The following LYRM4 variants were observed in gnomAD, a reference collection of about 807,000 sequenced individuals.
The protein encoded by LYRM4 is LYR motif containing 4.
Under a neutral mutation model 11.7 loss-of-function variants are expected in LYRM4, and 9 were observed. That is an observed-to-expected ratio of 0.77 (90% CI 0.46 to 1.34). The LOEUF is 1.34. Ranked by LOEUF, LYRM4 falls within the 40% of genes most tolerant of loss-of-function variation. The pLI, the probability that LYRM4 is intolerant of heterozygous loss-of-function variation, is 0.00. For missense variants in LYRM4, 133 were observed against 112.5 expected, an observed-to-expected ratio of 1.18 and a Z score of -0.82; for synonymous variants, 42 against 40.4, an observed-to-expected ratio of 1.04 and a Z score of -0.15.
At chr6:5,223,882 C>T (rs1287133594) in intron 1 of LYRM4, among the ~76,000 whole-genome samples, 2 of 152,172 alleles carry the variant, frequency 1.3e-5, no homozygotes, top group Non-Finnish European at 2.9e-5. Flanking sequence ...ACACACTTCC[C>T]TGTTTAAAAA....
chr6:5,065,210 C>T, the LYRM4 span, among the ~76,000 whole-genome samples: 6 of 152,242 alleles, frequency 3.9e-5, no homozygotes, highest in Admixed American at 3.9e-4. Context: ...TTTCTTTTTA[C>T]TGCTGAATAA....
At position 5,245,136 on chromosome 6, in the gene LYRM4, AT is replaced by A. The variant is rs1561899119; in HGVS notation, c.86+15511del. Among the ~76,000 whole-genome samples the A allele has an allele frequency of 4.9e-4, 44 of 89,600 alleles. 1 individual carries two copies. The highest frequency in any genetic ancestry group is 7.2e-4 in the Non-Finnish European group (32 of 44,580). 58.8% of individuals were successfully genotyped at this position (89,600 alleles called of 152,430 possible). ...AAAATATATATATATATATATATAT[AT>A]ATATATATATATATATATATATATA... On this transcript the variant is annotated intron_variant, in intron 1 of 2. Coordinates refer to ENST00000330636, the MANE Select transcript of LYRM4 (RefSeq NM_020408.6).
At chr6:5,070,158 G>C in the LYRM4 span, among the ~76,000 whole-genome samples, 1 of 152,208 alleles carries the variant, frequency 6.6e-6, no homozygotes, top group Non-Finnish European at 1.5e-5. Flanking sequence ...GTGGCATTGA[G>C]GTTTAATCCC....
At chr6:5,161,751 A>G (rs972982922) in intron 2 of LYRM4, among the ~76,000 whole-genome samples, 5 of 152,188 alleles carry the variant, frequency 3.3e-5, no homozygotes, top group African/African-American at 7.2e-5. Context: ...GTATTGACAT[A>G]CTTGCGTTAC....
At chr6:5,125,966 T>C (rs935528207) in intron 2 of LYRM4, among the ~76,000 whole-genome samples, 1 of 152,172 alleles carries the variant, frequency 6.6e-6, no homozygotes. Flanking sequence ...ACACTGCCCA[T>C]TGGTGGGACA....
the LYRM4 span, chr6:5,086,642 G>A: frequency 8.2e-7 from 1 of 1,214,894 alleles, no homozygotes. Flanking sequence ...GAACTTGCTG[G>A]GACGCTTTGC....
At chr6:5,214,563 G>A (rs1383734927) in intron 2 of LYRM4, among the ~76,000 whole-genome samples, 2 of 152,168 alleles carry the variant, frequency 1.3e-5, no homozygotes, top group Non-Finnish European at 2.9e-5. Context: ...CAGACCATGT[G>A]TGGGGTGGAG....
intron 2 of LYRM4, among the ~76,000 whole-genome samples, chr6:5,141,666 C>G (rs964761248): frequency 2.0e-5 from 3 of 152,162 alleles, no homozygotes; most frequent in African/African-American, 7.2e-5. Flanking sequence ...AAGAGCATGA[C>G]CAGCATCTCA....
the LYRM4 span, among the ~76,000 whole-genome samples, chr6:5,046,296 G>A: frequency 6.6e-6 from 1 of 151,974 alleles, no homozygotes; most frequent in South Asian, 2.1e-4. Context: ...ACAGGTGCCC[G>A]CCACCACACC....
chr6:5,042,180 T>C, the LYRM4 span, among the ~76,000 whole-genome samples: 1 of 152,214 alleles, frequency 6.6e-6, no homozygotes. Context: ...AAACAGGAAC[T>C]ATTGGCCTCC....
At chr6:5,245,122 ATATATATATATATATAT>A (rs1764123457) in intron 1 of LYRM4, among the ~76,000 whole-genome samples, 1 of 30,762 alleles carries the variant, frequency 3.3e-5, no homozygotes, top group African/African-American at 1.5e-4. Flanking sequence ...AAATATATAT[ATATATATATATATATAT>A]ATATATATAT....
At chr6:5,145,365 C>A (rs1432836437) in intron 2 of LYRM4, among the ~76,000 whole-genome samples, 2 of 152,262 alleles carry the variant, frequency 1.3e-5, no homozygotes, top group Non-Finnish European at 2.9e-5. Context: ...CGCCCTCACG[C>A]TGCAAACAGT....
chr6:5,130,366 G>A (rs924373091), intron 2 of LYRM4, among the ~76,000 whole-genome samples: 1 of 152,220 alleles, frequency 6.6e-6, no homozygotes, highest in African/African-American at 2.4e-5. Flanking sequence ...TAGAGAGCAA[G>A]GCTGTTGCTC....
the LYRM4 span, among the ~76,000 whole-genome samples, chr6:5,044,890 T>C: frequency 6.6e-6 from 1 of 152,222 alleles, no homozygotes; most frequent in Non-Finnish European, 1.5e-5. Context: ...CTGCCTGCCT[T>C]ATGCTTTCTC....
intron 1 of LYRM4, among the ~76,000 whole-genome samples, chr6:5,230,699 T>C (rs999104381): frequency 3.3e-5 from 5 of 152,188 alleles, no homozygotes; most frequent in Non-Finnish European, 4.4e-5. Flanking sequence ...TCTTGGTCAT[T>C]AGATGTCTTC....
At chr6:5,136,374 G>A in intron 2 of LYRM4, 1 of 985,422 alleles carries the variant, frequency 1.0e-6, no homozygotes, top group Non-Finnish European at 1.2e-6. Flanking sequence ...TGGGTTGAGG[G>A]TGGAGAAGCG....
the LYRM4 span, among the ~76,000 whole-genome samples, chr6:5,078,373 G>A: frequency 2.6e-5 from 4 of 152,008 alleles, no homozygotes; most frequent in Admixed American, 2.0e-4. Flanking sequence ...TGCTACCTGG[G>A]TAACAAGAGC....
intron 2 of LYRM4, among the ~76,000 whole-genome samples, chr6:5,144,592 T>A (rs1314838642): frequency 8.8e-6 from 1 of 113,156 alleles, no homozygotes; most frequent in Non-Finnish European, 1.6e-5. Context: ...GCCACTGCAC[T>A]CCAGCCTGGG....
intron 1 of LYRM4, among the ~76,000 whole-genome samples, chr6:5,260,258 T>G (rs950077434): frequency 8.5e-5 from 13 of 152,176 alleles, no homozygotes; most frequent in African/African-American, 3.1e-4. Flanking sequence ...CCACTTCCAC[T>G]CTCAACTCTT....
Sources: allele counts gnomAD v4.1 joint callset (sites outside exome capture counted in the v4.1 genomes callset), GRCh38; gene constraint gnomAD v4.1.1; transcripts MANE v1.5; gene names NCBI Gene and HGNC (gene_info 2026-07-23, HGNC 2026-07-21).